Variants in DIAPH2 observed in about 807,000 individuals in gnomAD.
DIAPH2 encodes the protein protein diaphanous homolog 2.
Under a neutral mutation model 92.7 loss-of-function variants are expected in DIAPH2, and 35 were observed. The ratio of observed to expected loss-of-function variants is 0.38; its 90% CI spans 0.29 to 0.50. DIAPH2 has a LOEUF of 0.50. Among genes scored for constraint, DIAPH2 ranks in the 20% least tolerant of loss-of-function variants. The probability of loss-of-function intolerance (pLI) is 0.94; values close to 1 mark genes in which losing one functional copy is unlikely to be tolerated. For missense variants in DIAPH2, 701 were observed against 819.5 expected (o/e 0.86, Z 1.77); for synonymous variants, 301 against 280.4 (o/e 1.07, Z -0.73).
chrX:97,490,435 C>A (rs1441596305), intron 26 of DIAPH2, among the ~76,000 whole-genome samples: 1 of 109,662 alleles, frequency 9.1e-6, no homozygotes, highest in African/African-American at 3.3e-5. Flanking sequence ...TTCCTTGCTT[C>A]TGCTAATGTT....
intron 17 of DIAPH2, among the ~76,000 whole-genome samples, chrX:96,983,898 A>G (rs1036838778): frequency 1.4e-4 from 16 of 111,830 alleles, no homozygotes; most frequent in African/African-American, 4.9e-4. Flanking sequence ...TTTGTGCCTC[A>G]GTGTTTATAT....
chrX:97,202,625 A>G (rs960548547), intron 22 of DIAPH2, among the ~76,000 whole-genome samples: 3 of 112,539 alleles, frequency 2.7e-5, no homozygotes, highest in African/African-American at 9.7e-5. Flanking sequence ...TGCAACAAGA[A>G]GAGCTAACTG....
At chrX:96,730,873 G>A (rs1003242809) in intron 1 of DIAPH2, among the ~76,000 whole-genome samples, 1 of 110,727 alleles carries the variant, frequency 9.0e-6, no homozygotes, top group East Asian at 2.8e-4. Context: ...CAGGCGGGCT[G>A]AGTCCGAAAA....
chrX:97,138,686 A>G (rs777005894), intron 21 of DIAPH2, among the ~76,000 whole-genome samples: 12 of 111,795 alleles, frequency 1.1e-4, no homozygotes, highest in African/African-American at 3.6e-4. Context: ...AATATTTCCC[A>G]TTTCTAGAAC....
intron 22 of DIAPH2, among the ~76,000 whole-genome samples, chrX:97,161,596 G>T (rs1160396609): frequency 2.7e-5 from 3 of 110,905 alleles, no homozygotes; most frequent in African/African-American, 9.9e-5. Context: ...GGAGAAGGGG[G>T]TTTCGCCACC....
intron 17 of DIAPH2, among the ~76,000 whole-genome samples, chrX:96,996,642 T>C (rs1422219148): frequency 8.9e-6 from 1 of 111,964 alleles, no homozygotes; most frequent in Non-Finnish European, 1.9e-5. Context: ...ATTGCCTTAA[T>C]TAGAGTGTGT....
intron 26 of DIAPH2, among the ~76,000 whole-genome samples, chrX:97,537,218 A>G (rs1344889668): frequency 9.0e-6 from 1 of 111,606 alleles, no homozygotes; most frequent in Non-Finnish European, 1.9e-5. Flanking sequence ...ATGGAAAAGC[A>G]TGCAATGTTT....
intron 9 of DIAPH2, among the ~76,000 whole-genome samples, chrX:96,929,567 A>G (rs1374084182): frequency 9.0e-6 from 1 of 111,275 alleles, no homozygotes; most frequent in Non-Finnish European, 1.9e-5. Context: ...TTCAAAAGTA[A>G]AGCATACCTT....
intron 26 of DIAPH2, among the ~76,000 whole-genome samples, chrX:97,470,541 A>C (rs1010742181): frequency 3.6e-5 from 4 of 110,777 alleles, no homozygotes; most frequent in Non-Finnish European, 7.6e-5. Flanking sequence ...ATACTTTAAG[A>C]ATCCTGTGAG....
In DIAPH2 at chrX:97,073,023, C is replaced by T; in HGVS notation, c.2133C>T (p.Pro711=). ...KKVKELRILD[P]KTAQNLSIFL... is the part of the protein sequence containing the mutation. The stretch of plus-strand genomic sequence containing the variant: ...TGAAAGAACTGAGAATTTTGGATCC[C>T]AAAACAGCTCAGAATCTGTGTATGT... Residue 711 remains proline (P), a synonymous_variant, in exon 18 of 27, where the codon CCC becomes CCT. Coordinates refer to ENST00000324765, the MANE Select transcript of DIAPH2 (RefSeq NM_006729.5). The T allele has an allele frequency of 8.4e-7, 1 of 1,190,882 alleles. No homozygotes were observed. The highest frequency in any genetic ancestry group is 1.8e-5 in the South Asian group (1 of 54,562).
intron 22 of DIAPH2, among the ~76,000 whole-genome samples, chrX:97,194,360 C>T (rs983455951): frequency 4.7e-5 from 5 of 106,569 alleles, no homozygotes; most frequent in Non-Finnish European, 3.9e-5. Flanking sequence ...TGGCTCACTG[C>T]ACGCTCCGCC....
chrX:97,595,114 T>G (rs2071542325), intron 26 of DIAPH2, among the ~76,000 whole-genome samples: 1 of 112,250 alleles, frequency 8.9e-6, no homozygotes, highest in Non-Finnish European at 1.9e-5. Flanking sequence ...AAGCTTTATC[T>G]GTATTGTGCT....
chrX:97,524,039 G>A (rs770565061), intron 26 of DIAPH2, among the ~76,000 whole-genome samples: 4 of 111,505 alleles, frequency 3.6e-5, no homozygotes, highest in Admixed American at 9.6e-5. Context: ...AGAGTAAACC[G>A]TAGAATAGTA....
Position 97,191,183 on chromosome X carries a change from C to T in DIAPH2, c.2719+49389C>T, listed in dbSNP as rs773125156. Reference sequence around the variant, plus strand: ...GTCGTTACTAAAAATACAAAATTAGCTGGGCTTGGTGGCTCATGACTGTAA... The same window carrying T: ...GTCGTTACTAAAAATACAAAATTAGTTGGGCTTGGTGGCTCATGACTGTAA... On this transcript the variant is annotated intron_variant, in intron 22 of 26. Transcript: ENST00000324765. Among the ~76,000 whole-genome samples the T allele has an allele frequency of 1.0e-4, 11 of 109,922 alleles. No homozygotes were observed. The South Asian group carries it at 4.3e-3, about 43-fold the overall frequency.
At chrX:97,079,339 A>C (rs967511587) in intron 19 of DIAPH2, among the ~76,000 whole-genome samples, 22 of 111,164 alleles carry the variant, frequency 2.0e-4, no homozygotes, top group African/African-American at 7.2e-4. Flanking sequence ...TGACATAGGG[A>C]GATCATTGCA....
chrX:97,124,812 A>G (rs1330330531), intron 21 of DIAPH2, among the ~76,000 whole-genome samples: 2 of 111,886 alleles, frequency 1.8e-5, no homozygotes, highest in Non-Finnish European at 3.8e-5. Context: ...TGAGGTGTAT[A>G]TATGTATATA....
At chrX:96,833,885 T>C (rs139429022) in intron 4 of DIAPH2, among the ~76,000 whole-genome samples, 4 of 111,190 alleles carry the variant, frequency 3.6e-5, no homozygotes, top group Non-Finnish European at 7.5e-5. Flanking sequence ...TCTCGAACTC[T>C]TAATCTCAAG....
intron 22 of DIAPH2, among the ~76,000 whole-genome samples, chrX:97,204,899 A>G (rs1446468612): frequency 8.9e-6 from 1 of 111,910 alleles, no homozygotes; most frequent in African/African-American, 3.2e-5. Context: ...AGCTGGAGGC[A>G]TCACACTACC....
At chrX:96,809,518 CT>C (rs374932187) in intron 4 of DIAPH2, among the ~76,000 whole-genome samples, 5,966 of 101,210 alleles carry the variant, frequency 0.059, 189 homozygotes, top group Middle Eastern at 0.16. Flanking sequence ...TTCTTTCTTT[CT>C]TTTTTTTTTT....
Sources: allele counts gnomAD v4.1 joint callset (sites outside exome capture counted in the v4.1 genomes callset), GRCh38; gene constraint gnomAD v4.1.1; transcripts MANE v1.5; gene names NCBI Gene and HGNC (gene_info 2026-07-23, HGNC 2026-07-21).